The following DCP1A variants were observed in gnomAD, a reference collection of about 807,000 sequenced individuals.
DCP1A encodes the protein mRNA-decapping enzyme 1A.
Under a neutral mutation model 58.0 loss-of-function variants are expected in DCP1A, and 20 were observed. The ratio of observed to expected loss-of-function variants is 0.34; its 90% confidence interval spans 0.24 to 0.50. The LOEUF is 0.50. Among genes scored for constraint, DCP1A ranks in the 20% least tolerant of loss-of-function variants. The probability of loss-of-function intolerance (pLI) is 0.98; values close to 1 mark genes in which losing one functional copy is unlikely to be tolerated. For missense variants in DCP1A, 613 were observed against 712.2 expected, an observed-to-expected ratio of 0.86 and a Z score of 1.59; for synonymous variants, 285 against 275.1, an observed-to-expected ratio of 1.04 and a Z score of -0.36.
intron 3 of DCP1A, among the ~76,000 whole-genome samples, chr3:53,341,602 A>G (rs1423593952): frequency 2.0e-5 from 3 of 152,246 alleles, no homozygotes; most frequent in African/African-American, 7.2e-5. Context: ...AAACAAAGGC[A>G]TAAACCTTAT....
chr3:53,311,475 G>T (rs1234709170), intron 5 of DCP1A, among the ~76,000 whole-genome samples: 1 of 152,070 alleles, frequency 6.6e-6, no homozygotes, highest in Non-Finnish European at 1.5e-5. Flanking sequence ...ATAAATTAAC[G>T]AAAGTACCAC....
In DCP1A at chr3:53,285,835, C is replaced by G. The variant is rs1706613842; in HGVS notation, c.*1745G>C. 6.6e-6 allele frequency: 1 copy of G among 152,208 alleles called. No individual in the cohort carries two copies. Among genetic ancestry groups the G allele is most frequent in the Non-Finnish European group, 1.5e-5 (1 of 68,036 alleles). 9.4% of individuals were successfully genotyped at this position (152,208 alleles called of 1,614,324 possible). A position where few individuals can be genotyped will look rare whatever the true frequency, so the allele number is the denominator to read the frequency against. ...GGTGTCAGCAACACTCTGTATCCCA[C>G]TATAGCTTTCTCGTTCCCAGATGAT... On this transcript the variant is annotated 3_prime_UTR_variant, in exon 10 of 10. Transcript: ENST00000610213.
At chr3:53,327,353 T>C (rs1215852602) in intron 3 of DCP1A, among the ~76,000 whole-genome samples, 1 of 152,254 alleles carries the variant, frequency 6.6e-6, no homozygotes, top group Non-Finnish European at 1.5e-5. Flanking sequence ...CTGACTGCAG[T>C]ACTTGCAGGA....
chr3:53,295,927 C>T (rs1471917795), intron 6 of DCP1A, among the ~76,000 whole-genome samples: 6 of 151,342 alleles, frequency 4.0e-5, no homozygotes, highest in Non-Finnish European at 7.4e-5. Context: ...CAGTCTAGCC[C>T]TATCGCCCAG....
intron 1 of DCP1A, among the ~76,000 whole-genome samples, 163 bp downstream of exon 1, chr3:53,347,220 A>C (rs2089302267): frequency 6.6e-6 from 1 of 151,606 alleles, no homozygotes; most frequent in Non-Finnish European, 1.5e-5. Context: ...TCCCAAGCGG[A>C]CCCGACACCC....
intron 5 of DCP1A, among the ~76,000 whole-genome samples, chr3:53,311,530 A>G (rs1707643368): frequency 6.6e-6 from 1 of 152,210 alleles, no homozygotes; most frequent in African/African-American, 2.4e-5. Flanking sequence ...TTATCAGCTA[A>G]TTTATAAACT....
chr3:53,304,333 T>A (rs781967098), intron 5 of DCP1A, 43 bp from the exon 6 acceptor site: 5 of 1,446,794 alleles, frequency 3.5e-6, no homozygotes, highest in South Asian at 1.2e-5. Flanking sequence ...GTGAAAAAAA[T>A]TTGCTATTAT....
chr3:53,333,046 T>C (rs2089041893), intron 3 of DCP1A: 1 of 151,880 alleles, frequency 6.6e-6, no homozygotes, highest in Admixed American at 6.6e-5. Context: ...AAAGTAGGAT[T>C]TTTTTTTCTT....
At chr3:53,335,838 A>G (rs2089104715) in intron 3 of DCP1A, among the ~76,000 whole-genome samples, 1 of 151,390 alleles carries the variant, frequency 6.6e-6, no homozygotes, top group South Asian at 2.1e-4. Flanking sequence ...TTATTCTTTT[A>G]TTTTTTGAGA....
intron 4 of DCP1A, 81 bp downstream of exon 4, chr3:53,319,324 CTT>C: frequency 1.1e-6 from 1 of 918,830 alleles, no homozygotes; most frequent in Non-Finnish European, 1.6e-6. Context: ...AGTTGGCAGA[CTT>C]TAGTAACAAA....
intron 5 of DCP1A, among the ~76,000 whole-genome samples, chr3:53,311,753 A>C (rs1440232878): frequency 6.6e-6 from 1 of 152,212 alleles, no homozygotes; most frequent in African/African-American, 2.4e-5. Context: ...CAGAAACTGC[A>C]GTGGTGAAGA....
At chr3:53,306,165 T>C (rs984114266) in intron 5 of DCP1A, among the ~76,000 whole-genome samples, 5 of 152,224 alleles carry the variant, frequency 3.3e-5, no homozygotes, top group Non-Finnish European at 7.3e-5. Context: ...ATGGATGGCA[T>C]GTGTTTTTTC....
intron 6 of DCP1A, among the ~76,000 whole-genome samples, chr3:53,300,961 G>C (rs966518077): frequency 4.6e-5 from 7 of 152,124 alleles, no homozygotes; most frequent in African/African-American, 1.4e-4. Flanking sequence ...TAATTCTTAA[G>C]TCATTTTTTT....
Position 53,292,639 on chromosome 3 carries a change from T to C in DCP1A, c.813A>G (p.Ser271=), listed in dbSNP as rs371848238. 72 of 1,613,708 alleles carry C rather than the reference T, an allele frequency of 4.5e-5. No homozygotes were observed. The African/African-American group carries it at 6.9e-4, about 16-fold the overall frequency. The change falls in exon 7 of 10, where the codon TCA becomes TCG. Residue 271 remains serine, a synonymous_variant. Coordinates refer to ENST00000610213, the MANE Select transcript of DCP1A (RefSeq NM_018403.7). ...CAGCAGAAGGGACACCCAGGGTTTC[T>C]GATTGAGGGGCTCCTCCTAACTGCT... The part of the protein sequence containing the change: ...PFEQLGGAPQ[S]ETLGVPSAAH...
intron 3 of DCP1A, among the ~76,000 whole-genome samples, chr3:53,333,368 ACTCCTGAC>A (rs2089050843): frequency 6.6e-6 from 1 of 150,600 alleles, no homozygotes; most frequent in Non-Finnish European, 1.5e-5. Flanking sequence ...CTGGTCTTGA[ACTCCTGAC>A]CTCGTGATCC....
In DCP1A at chr3:53,330,489, T is replaced by A. The variant is rs1026936892; in HGVS notation, c.305-11016A>T. Reference sequence around the variant, plus strand: ...TGAGGATGGAGGATCATTTGGACACTATAGCCTGGGCAACAGAGTGAGACC... The same window carrying A: ...TGAGGATGGAGGATCATTTGGACACAATAGCCTGGGCAACAGAGTGAGACC... On this transcript the variant is annotated intron_variant, in intron 3 of 9. Transcript: ENST00000610213. 2.0e-5 allele frequency among the ~76,000 whole-genome samples: 3 copies of A among 150,106 alleles called. No individual in the cohort carries two copies. In the Admixed American group the frequency reaches 2.0e-4, roughly 10 times the overall value.
intron 6 of DCP1A, among the ~76,000 whole-genome samples, chr3:53,295,253 G>T (rs1707081575): frequency 6.6e-6 from 1 of 152,174 alleles, no homozygotes; most frequent in African/African-American, 2.4e-5. Flanking sequence ...TCAGTAAAAA[G>T]TAACTGTTGT....
At chr3:53,332,352 CTA>C (rs781986831) in intron 3 of DCP1A, among the ~76,000 whole-genome samples, 17 of 152,166 alleles carry the variant, frequency 1.1e-4, no homozygotes, top group Non-Finnish European at 2.1e-4. Flanking sequence ...TTTTGTTAAA[CTA>C]TGTTTTCCTA....
chr3:53,317,280 C>T (rs1010466948), intron 4 of DCP1A, among the ~76,000 whole-genome samples: 5 of 152,186 alleles, frequency 3.3e-5, no homozygotes, highest in African/African-American at 1.2e-4. Flanking sequence ...ATTCTCTCGC[C>T]TCAGCCTCCC....
Sources: gnomAD v4.1 joint callset for allele counts (sites outside exome capture counted in the v4.1 genomes callset) on GRCh38, gnomAD v4.1.1 for gene constraint, MANE v1.5 for transcripts, NCBI Gene and HGNC (gene_info 2026-07-23, HGNC 2026-07-21) for gene names.